Variants in TRPM4 observed in about 807,000 individuals in gnomAD.
The protein encoded by TRPM4 is transient receptor potential cation channel subfamily M member 4.
Under a neutral mutation model 135.6 loss-of-function variants are expected in TRPM4, and 124 were observed. The observed-to-expected ratio is 0.91, with a 90% CI of 0.79 to 1.06. The LOEUF is 1.06. Ranked by LOEUF, TRPM4 falls within the 50% of genes least tolerant of loss-of-function variation. TRPM4 has a pLI of 0.00. For missense variants in TRPM4, 1,658 were observed against 1,671.4 expected (o/e 0.99, Z 0.14); for synonymous variants, 745 against 705.6 (o/e 1.06, Z -0.88).
chr19:49,164,247 TTCTC>T (rs1415575751), intron 2 of TRPM4, among the ~76,000 whole-genome samples: 11 of 151,050 alleles, frequency 7.3e-5, no homozygotes, highest in Non-Finnish European at 1.5e-4. Context: ...CTTTCTTTCT[TTCTC>T]TCTTTCTCTT....
At chr19:49,201,902 T>C (rs981461357) in intron 19 of TRPM4, 62 bp from the exon 20 acceptor site, 1 of 1,585,042 alleles carries the variant, frequency 6.3e-7, no homozygotes, top group African/African-American at 1.3e-5. Context: ...CGCCCGGCAG[T>C]CTTCCTGTCT....
chr19:49,203,328 C>CAT (rs1969017067), intron 20 of TRPM4, among the ~76,000 whole-genome samples: 1 of 151,754 alleles, frequency 6.6e-6, no homozygotes, highest in African/African-American at 2.4e-5. Context: ...TACAGGCGTG[C>CAT]GCCACCACAC....
At chr19:49,208,604 A>G (rs979611309) in intron 20 of TRPM4, among the ~76,000 whole-genome samples, 1 of 152,046 alleles carries the variant, frequency 6.6e-6, no homozygotes, top group African/African-American at 2.4e-5. Flanking sequence ...GGATTATTAT[A>G]ATATTGAAAT....
In TRPM4 at chr19:49,210,346, G is replaced by A; in HGVS notation, c.3269G>A (p.Arg1090Lys). 2.5e-6 allele frequency: 4 copies of A among 1,614,178 alleles called. No individual in the cohort carries two copies. Among genetic ancestry groups the A allele is most frequent in the Non-Finnish European group, 2.5e-6 (3 of 1,180,040 alleles). ...IVISHLRLLLRQLCRRPRSPQ... is the reference protein window; with the variant it reads ...IVISHLRLLLKQLCRRPRSPQ... ...ATCTCCCACTTGCGCCTCCTGCTCA[G>A]GCAATTGTGCAGGCGACCCCGGAGC... Residue 1090 changes from arginine to lysine, a missense_variant, in exon 21 of 25, where the codon AGG becomes AAG. Arg to Lys is a conservative substitution (Grantham distance 26). Around this residue, in one of 3 missense-constraint regions of TRPM4, gnomAD observed 1,412 missense variants for 1,408.7 expected, o/e 1.00. Transcript: ENST00000252826. This position sits in a 1 kb window ranked among gnomAD's most constrained non-coding sequence, Gnocchi z 4.1.
intron 2 of TRPM4, among the ~76,000 whole-genome samples, chr19:49,165,081 GTTAC>G (rs1967121408): frequency 6.6e-6 from 1 of 151,954 alleles, no homozygotes; most frequent in African/African-American, 2.4e-5. Context: ...CCAAACCCCT[GTTAC>G]TTACTCAGGT....
At chr19:49,195,859 T>A (rs1968612471) in intron 16 of TRPM4, among the ~76,000 whole-genome samples, 1 of 149,194 alleles carries the variant, frequency 6.7e-6, no homozygotes, top group Admixed American at 6.7e-5. Flanking sequence ...AAATTTTTAT[T>A]TTTATTTATT....
At chr19:49,181,886 C>T (rs1259434206) in intron 10 of TRPM4, among the ~76,000 whole-genome samples, 1 of 152,050 alleles carries the variant, frequency 6.6e-6, no homozygotes, top group Non-Finnish European at 1.5e-5. Context: ...CCTGTCCAGC[C>T]TTCCCTTAAT....
chr19:49,183,324 C>T (rs2122943449), intron 12 of TRPM4, 112 bp downstream of exon 12: 1 of 1,390,616 alleles, frequency 7.2e-7, no homozygotes, highest in Non-Finnish European at 1.0e-6. Context: ...CTGACAGGCG[C>T]CCCATCCTCC....
intron 16 of TRPM4, among the ~76,000 whole-genome samples, chr19:49,193,895 T>C (rs1020189346): frequency 2.7e-5 from 4 of 148,518 alleles, no homozygotes; most frequent in Non-Finnish European, 6.0e-5. Flanking sequence ...TCATCCTCCT[T>C]CTCCTCCTCC....
At chr19:49,198,984 A>G (rs1670446534) in intron 17 of TRPM4, among the ~76,000 whole-genome samples, 1 of 152,138 alleles carries the variant, frequency 6.6e-6, no homozygotes, top group Non-Finnish European at 1.5e-5. Flanking sequence ...TATTTTTGAC[A>G]TGGATAGATT....
intron 1 of TRPM4, 126 bp from the exon 2 acceptor site, chr19:49,158,066 G>A (rs2041548909): frequency 7.8e-7 from 1 of 1,274,348 alleles, no homozygotes; most frequent in Non-Finnish European, 1.1e-6. Context: ...TGGAGCGGGA[G>A]GGCGCTGGGG....
rs533470139 is a variant in TRPM4, at chr19:49,176,786, G to A, written c.1151-4563G>A. Among the ~76,000 whole-genome samples, 4 of 152,318 alleles carry A rather than the reference G, an allele frequency of 2.6e-5. No individual in the cohort carries two copies. The East Asian group carries it at 7.7e-4, about 29-fold the overall frequency. The stretch of plus-strand genomic sequence containing the variant: ...GAATCGCTTGAACCCAGGAGGTGGA[G>A]GTTGCCGTGAGCCAAGATCGTGCCA... On this transcript the variant is annotated intron_variant, in intron 9 of 24. Coordinates refer to ENST00000252826, the MANE Select transcript of TRPM4 (RefSeq NM_017636.4).
chr19:49,168,482 G>A, intron 5 of TRPM4, 59 bp downstream of exon 5: 1 of 1,613,724 alleles, frequency 6.2e-7, no homozygotes, highest in Non-Finnish European at 8.5e-7. Context: ...GTCTGAGGGA[G>A]GAGGAGGGGC....
chr19:49,196,735 G>A lies in TRPM4; in HGVS notation c.2506G>A (p.Gly836Ser), dbSNP rs1231524940. 1 of 1,550,752 alleles carries A rather than the reference G, an allele frequency of 6.4e-7. No individual in the cohort carries two copies. The highest frequency in any genetic ancestry group is 8.7e-7 in the Non-Finnish European group (1 of 1,154,638). ...CEELRQGLSG[G>S]GGSLASGGPG... ...GGAACTGCGCCAGGGCCTGAGCGGA[G>A]GCGGGGGCAGCCTCGCCAGCGGGGG... is the stretch of plus-strand genomic sequence containing the variant. The change falls in exon 17 of 25, where the codon GGC becomes AGC. Residue 836 changes from glycine (G) to serine (S), a missense_variant. Gly to Ser is a moderately conservative substitution (Grantham distance 56). Coordinates refer to ENST00000252826, the MANE Select transcript of TRPM4 (RefSeq NM_017636.4).
chr19:49,209,676 C>G (rs868323796), intron 20 of TRPM4, among the ~76,000 whole-genome samples: 4 of 151,992 alleles, frequency 2.6e-5, no homozygotes, highest in African/African-American at 9.6e-5. Flanking sequence ...ACTTCAACCT[C>G]CACCTTATAC....
intron 6 of TRPM4, 46 bp downstream of exon 6, chr19:49,168,782 C>G (rs541375805): frequency 7.1e-6 from 11 of 1,545,860 alleles, no homozygotes; most frequent in African/African-American, 1.4e-5. Context: ...CCACAACCTG[C>G]AACCCCAGCG....
Position 49,210,649 on chromosome 19 carries a change from G to C in TRPM4, c.3329-61G>C. 1 of 1,612,900 alleles carries C rather than the reference G, an allele frequency of 6.2e-7. No homozygotes were observed. Among genetic ancestry groups the C allele is most frequent in the Non-Finnish European group, 8.5e-7 (1 of 1,179,492 alleles). On this transcript the variant is annotated intron_variant, in intron 21 of 24. Coordinates refer to ENST00000252826, the MANE Select transcript of TRPM4 (RefSeq NM_017636.4). The surrounding 1 kb of genome is among the most constrained non-coding windows in gnomAD (Gnocchi z 4.1). ...CGTGCGTGTTCTGAGGGTGTCGGAA[G>C]GGGCAGCTGGGATTGGGAAGGGGCG...
At position 49,168,006 on chromosome 19, in the gene TRPM4, G is replaced by A; in HGVS notation, c.357G>A (p.Val119=). The A allele has an allele frequency of 5.0e-6, 8 of 1,613,824 alleles. No homozygotes were observed. Among genetic ancestry groups the A allele is most frequent in the Non-Finnish European group, 6.8e-6 (8 of 1,179,990 alleles). The change falls in exon 4 of 25, where the codon GTG becomes GTA. Residue 119 remains valine (V), a synonymous_variant. Coordinates refer to ENST00000252826, the MANE Select transcript of TRPM4 (RefSeq NM_017636.4). ...GCTTCCGTGCCCCGAACCTGGTGGT[G>A]TCAGTGCTGGGGGGATCGGGGGGCC... ...TWGFRAPNLV[V]SVLGGSGGPV... is the part of the protein sequence containing the mutation.
chr19:49,198,668 AG>A (rs1301496240), intron 17 of TRPM4, among the ~76,000 whole-genome samples: 2 of 144,390 alleles, frequency 1.4e-5, no homozygotes, highest in Non-Finnish European at 3.0e-5. Context: ...AAAAAAAAAA[AG>A]GGAGAAATGT....
Sources: allele counts gnomAD v4.1 joint callset (sites outside exome capture counted in the v4.1 genomes callset), GRCh38; gene constraint gnomAD v4.1.1; regional missense constraint gnomAD v4.1.1; non-coding constraint Gnocchi (gnomAD v3.1); transcripts MANE v1.5; gene names NCBI Gene and HGNC (gene_info 2026-07-23, HGNC 2026-07-21).